The following PLIN2 variants were observed in gnomAD, a reference collection of about 807,000 sequenced individuals.
PLIN2 encodes perilipin-2.
PLIN2 carries 33 observed loss-of-function variants against 30.6 expected under a neutral mutation model. That is an observed-to-expected ratio of 1.08 (90% CI 0.82 to 1.44). PLIN2 has a LOEUF of 1.44. Ranked by LOEUF, PLIN2 falls within the 40% of genes most tolerant of loss-of-function variation. The pLI, the probability that PLIN2 is intolerant of heterozygous loss-of-function variation, is 0.00. For synonymous variants in PLIN2, 205 were observed against 201.1 expected (o/e 1.02, Z -0.16); for missense variants, 610 against 531.8 (o/e 1.15, Z -1.45).
intron 6 of PLIN2, 102 bp from the exon 7 acceptor site, chr9:19,118,557 T>C: frequency 8.0e-6 from 8 of 1,004,102 alleles, no homozygotes; most frequent in Non-Finnish European, 1.2e-5. Context: ...AAACTAAGAA[T>C]TTCCTGGAGT....
At chr9:19,109,056 C>T (rs1448807507) in intron 2 of PLIN2, among the ~76,000 whole-genome samples, 1 of 152,056 alleles carries the variant, frequency 6.6e-6, no homozygotes, top group Admixed American at 6.6e-5. Flanking sequence ...AACAATAATA[C>T]CCCACTTTTC....
At chr9:19,124,089 C>G (rs1818361324) in intron 3 of PLIN2, among the ~76,000 whole-genome samples, 1 of 150,940 alleles carries the variant, frequency 6.6e-6, no homozygotes, top group Admixed American at 6.6e-5. Context: ...CTAGTTCTGA[C>G]AGGAAGAGGC....
chr9:19,125,935 AAAGG>A, intron 3 of PLIN2, 175 bp downstream of exon 3: 19 of 554,134 alleles, frequency 3.4e-5, no homozygotes, highest in South Asian at 2.5e-4. Context: ...AAAAAAAAAA[AAAGG>A]AAAGAAAAGA....
chr9:19,110,013 A>C (rs2131171425), intron 2 of PLIN2, among the ~76,000 whole-genome samples: 1 of 151,690 alleles, frequency 6.6e-6, no homozygotes, highest in Non-Finnish European at 1.5e-5. Context: ...TTGGGGAGTT[A>C]TTGTGGGTTT....
intron 5 of PLIN2, among the ~76,000 whole-genome samples, chr9:19,120,129 G>A (rs1192423004): frequency 6.6e-6 from 1 of 151,800 alleles, no homozygotes; most frequent in Non-Finnish European, 1.5e-5. Flanking sequence ...CACAATTTTG[G>A]CTCACTGCAG....
At chr9:19,111,238 G>A (rs1588639420), downstream of PLIN2, among the ~76,000 whole-genome samples, 1 of 152,024 alleles carries the variant, frequency 6.6e-6, no homozygotes, top group Admixed American at 6.6e-5. Flanking sequence ...TAGTAAAGAC[G>A]AGGTTTCACC....
intron 6 of PLIN2, among the ~76,000 whole-genome samples, chr9:19,118,963 G>A (rs150199922): frequency 2.7e-4 from 41 of 152,304 alleles, no homozygotes; most frequent in African/African-American, 8.9e-4. Flanking sequence ...AAAGTGCTGG[G>A]ATTATAGGCA....
intron 7 of PLIN2, among the ~76,000 whole-genome samples, chr9:19,117,842 C>G (rs1359825156): frequency 6.6e-6 from 1 of 152,108 alleles, no homozygotes; most frequent in African/African-American, 2.4e-5. Flanking sequence ...TGGTCTCGAT[C>G]TCCTGACCTC....
At chr9:19,109,167 G>A (rs892942191) in intron 2 of PLIN2, among the ~76,000 whole-genome samples, 2 of 152,124 alleles carry the variant, frequency 1.3e-5, no homozygotes, top group Non-Finnish European at 2.9e-5. Context: ...CCCTGCACAG[G>A]AAAGCCTTTA....
At chr9:19,124,315 C>T (rs967634380) in intron 3 of PLIN2, among the ~76,000 whole-genome samples, 1 of 152,030 alleles carries the variant, frequency 6.6e-6, no homozygotes, top group African/African-American at 2.4e-5. Flanking sequence ...ATCGGCATTC[C>T]CATGCTAGTT....
chr9:19,125,380 C>T (rs915190833), intron 3 of PLIN2: 1 of 152,160 alleles, frequency 6.6e-6, no homozygotes. Context: ...TGGCAAAACC[C>T]TGTCTCTACT....
intron 2 of PLIN2, among the ~76,000 whole-genome samples, chr9:19,109,297 G>T (rs1029263551): frequency 6.6e-6 from 1 of 152,142 alleles, no homozygotes; most frequent in Non-Finnish European, 1.5e-5. Context: ...GCTCACGCCT[G>T]TAATCCCAGC....
At chr9:19,112,560 T>C (rs1818171441), downstream of PLIN2, among the ~76,000 whole-genome samples, 1 of 151,632 alleles carries the variant, frequency 6.6e-6, no homozygotes, top group African/African-American at 2.4e-5. Context: ...ATACAAAAAT[T>C]AGCCAGGTGT....
chr9:19,127,077 G>C lies in PLIN2; in HGVS notation c.-23+342C>G, dbSNP rs1161830865. Among the ~76,000 whole-genome samples, 2 of 152,056 alleles carry C rather than the reference G, an allele frequency of 1.3e-5. No homozygotes were observed. The highest frequency in any genetic ancestry group is 2.9e-5 in the Non-Finnish European group (2 of 68,016). The stretch of plus-strand genomic sequence containing the variant: ...CGGTTTTCTAACGCGTTTCCCTTTC[G>C]ATAATGTCCCTTCGACAAATATTGT... On this transcript the variant is annotated intron_variant, in intron 1 of 7. Transcript: ENST00000276914. This position sits in a 1 kb window ranked among gnomAD's most constrained non-coding sequence, Gnocchi z 4.3.
chr9:19,110,273 C>A (rs189836706), intron 2 of PLIN2, among the ~76,000 whole-genome samples: 104 of 152,084 alleles, frequency 6.8e-4, no homozygotes, highest in Admixed American at 5.9e-4. Context: ...AGTGGTCCAA[C>A]CTCCTTGGCT....
chr9:19,111,295 G>A (rs751609732), downstream of PLIN2, among the ~76,000 whole-genome samples: 6 of 151,772 alleles, frequency 4.0e-5, no homozygotes, highest in Non-Finnish European at 4.4e-5. Context: ...GTGATCTGCC[G>A]ACTCGGCCTC....
chr9:19,109,539 T>TG (rs1818132000), intron 2 of PLIN2, among the ~76,000 whole-genome samples: 1 of 43,668 alleles, frequency 2.3e-5, no homozygotes, highest in Non-Finnish European at 5.6e-5. Flanking sequence ...AGACTCTGTC[T>TG]GAAAAAAAAA....
At chr9:19,114,423 A>G (rs1818194549), downstream of PLIN2, among the ~76,000 whole-genome samples, 1 of 149,674 alleles carries the variant, frequency 6.7e-6, no homozygotes, top group African/African-American at 2.5e-5. Context: ...TTTTTTTTTT[A>G]AGACAGAGTC....
At chr9:19,120,090 G>A (rs1818291469) in intron 5 of PLIN2, among the ~76,000 whole-genome samples, 1 of 150,314 alleles carries the variant, frequency 6.7e-6, no homozygotes, top group Non-Finnish European at 1.5e-5. Flanking sequence ...AACAGGTCTT[G>A]CTTTGTTGCC....
Sources: allele counts gnomAD v4.1 joint callset (sites outside exome capture counted in the v4.1 genomes callset), GRCh38; gene constraint gnomAD v4.1.1; non-coding constraint Gnocchi (gnomAD v3.1); transcripts MANE v1.5; gene names NCBI Gene and HGNC (gene_info 2026-07-23, HGNC 2026-07-21).